Variants in MAGI3 observed in about 807,000 individuals in gnomAD.
The protein encoded by MAGI3 is membrane-associated guanylate kinase, WW and PDZ domain-containing protein 3.
A neutral mutation model predicts 121.8 loss-of-function variants in MAGI3; 43 were observed. The ratio of observed to expected loss-of-function variants is 0.35; its 90% CI spans 0.28 to 0.46. The LOEUF (loss-of-function observed/expected upper bound fraction) is 0.46. Among genes scored for constraint, MAGI3 ranks in the 20% least tolerant of loss-of-function variants. The probability of loss-of-function intolerance (pLI) is 1.00; values close to 1 mark genes in which losing one functional copy is unlikely to be tolerated. For missense variants in MAGI3, 1,547 were observed against 1,797.3 expected, an observed-to-expected ratio of 0.86 and a Z score of 2.52; for synonymous variants, 553 against 639.3, an observed-to-expected ratio of 0.86 and a Z score of 2.04.
At chr1:113,588,044 A>C (rs1170576134) in intron 4 of MAGI3, among the ~76,000 whole-genome samples, 1 of 152,264 alleles carries the variant, frequency 6.6e-6, no homozygotes, top group African/African-American at 2.4e-5. Flanking sequence ...CATGAACTAT[A>C]CCTTCTGGTG....
chr1:113,683,694 A>C lies in MAGI3; in HGVS notation c.4126A>C (p.Ser1376Arg), dbSNP rs377019454. 8.7e-6 allele frequency: 14 copies of C among 1,600,588 alleles called. 1 individual carries two copies. Among genetic ancestry groups the C allele is most frequent in the Middle Eastern group, 1.7e-4 (1 of 6,032 alleles). Residue 1376 changes from serine (S) to arginine (R), a missense_variant, in exon 21 of 21, where the codon AGT becomes CGT. By Grantham distance (110) the Ser-to-Arg change is moderately radical. Transcript: ENST00000307546. ...ATCCAAAATGACTAATAAGACTACA[A>C]GTAAAGAAGTATCTGAAAATGAAAA... ...LPSKMTNKTT[S>R]KEVSENEKGK...
intron 1 of MAGI3, among the ~76,000 whole-genome samples, chr1:113,509,460 A>G (rs1428297712): frequency 1.4e-5 from 2 of 143,896 alleles, no homozygotes; most frequent in Non-Finnish European, 3.0e-5. Context: ...GACATTTGTA[A>G]TGAAATACTA....
At chr1:113,400,431 T>TACTGTAC (rs1392878816) in intron 1 of MAGI3, among the ~76,000 whole-genome samples, 1 of 152,136 alleles carries the variant, frequency 6.6e-6, no homozygotes, top group Non-Finnish European at 1.5e-5. Context: ...TGAATGCACT[T>TACTGTAC]ACTGTACATA....
chr1:113,586,726 A>G (rs958801532), intron 4 of MAGI3, among the ~76,000 whole-genome samples: 9 of 152,232 alleles, frequency 5.9e-5, no homozygotes, highest in Admixed American at 5.2e-4. Context: ...AATGCTAAAC[A>G]GTAGGATTGG....
chr1:113,592,740 C>T (rs543116218), intron 5 of MAGI3, among the ~76,000 whole-genome samples: 13 of 152,194 alleles, frequency 8.5e-5, no homozygotes, highest in Admixed American at 7.2e-4. Flanking sequence ...TGGCCAGGCA[C>T]GGTGGCTCAC....
chr1:113,564,889 G>A (rs1389906335), intron 2 of MAGI3, among the ~76,000 whole-genome samples: 11 of 151,186 alleles, frequency 7.3e-5, no homozygotes, highest in Admixed American at 1.3e-4. Flanking sequence ...TTGCTCTGTT[G>A]CCCAGGCTAG....
chr1:113,647,542 A>C lies in MAGI3; in HGVS notation c.2155+900A>C, dbSNP rs185966271. On this transcript the variant is annotated intron_variant, in intron 12 of 20. Transcript: ENST00000307546. ...AAGGCAGAAATTCATGCATGTTCCTACTAATTCACTTACTAATGATAAATC... is the reference window on the plus strand; with the variant it reads ...AAGGCAGAAATTCATGCATGTTCCTCCTAATTCACTTACTAATGATAAATC... Among the ~76,000 whole-genome samples the C allele has an allele frequency of 2.6e-5, 4 of 152,304 alleles. No homozygotes were observed. The East Asian group carries it at 7.7e-4, about 29-fold the overall frequency.
At chr1:113,450,450 G>GA in intron 1 of MAGI3, 2 of 1,115,814 alleles carry the variant, frequency 1.8e-6, no homozygotes, top group South Asian at 2.5e-5. Context: ...TATAGTAGTA[G>GA]AGGGGGCTAT....
intron 2 of MAGI3, among the ~76,000 whole-genome samples, chr1:113,560,300 T>C (rs1338982471): frequency 4.6e-5 from 7 of 152,016 alleles, no homozygotes. Context: ...CGCTTGAACC[T>C]GGGAGGCAGA....
At chr1:113,673,533 A>C in intron 19 of MAGI3, 68 bp downstream of exon 19, 1 of 1,514,796 alleles carries the variant, frequency 6.6e-7, no homozygotes, top group Non-Finnish European at 9.0e-7. Flanking sequence ...GATATTAATA[A>C]TTGATTTAAA....
At chr1:113,672,343 G>C (rs539665349) in intron 17 of MAGI3, among the ~76,000 whole-genome samples, 2 of 152,294 alleles carry the variant, frequency 1.3e-5, no homozygotes, top group Admixed American at 1.3e-4. Context: ...CTCTGGTGTA[G>C]TTATTTGATT....
chr1:113,467,784 C>G (rs1460113318), intron 1 of MAGI3, among the ~76,000 whole-genome samples: 1 of 152,160 alleles, frequency 6.6e-6, no homozygotes, highest in Non-Finnish European at 1.5e-5. Context: ...GTCCTCCTGT[C>G]CTGGCCTCCC....
chr1:113,590,651 T>C lies in MAGI3; in HGVS notation c.931T>C (p.Phe311Leu), dbSNP rs1205912126. 6.2e-7 allele frequency: 1 copy of C among 1,612,852 alleles called. No homozygotes were observed. Among genetic ancestry groups the C allele is most frequent in the South Asian group, 1.1e-5 (1 of 90,948 alleles). ...CTACACTGACACAGGGATGATCTAC[T>C]TCATTGAGTAAGCAAATGTCTCTAT... ...MAYTDTGMIY[F>L]IDHNTKTTTW... The change falls in exon 5 of 21, where the codon TTC becomes CTC. Residue 311 changes from phenylalanine to leucine, a missense_variant. Transcript: ENST00000307546.
At chr1:113,443,964 C>T (rs1188403206) in intron 1 of MAGI3, among the ~76,000 whole-genome samples, 1 of 152,186 alleles carries the variant, frequency 6.6e-6, no homozygotes, top group East Asian at 1.9e-4. Flanking sequence ...TGGGAAGCAT[C>T]AGAAGGTCTT....
At chr1:113,435,272 T>C (rs2101434905) in intron 1 of MAGI3, among the ~76,000 whole-genome samples, 1 of 152,280 alleles carries the variant, frequency 6.6e-6, no homozygotes, top group East Asian at 1.9e-4. Flanking sequence ...TGGTTTTCTA[T>C]TTCATAGAAT....
intron 16 of MAGI3, among the ~76,000 whole-genome samples, chr1:113,669,766 G>A (rs1647416954): frequency 6.6e-6 from 1 of 152,188 alleles, no homozygotes; most frequent in African/African-American, 2.4e-5. Context: ...CTGACCTCAG[G>A]TGATCCGCCT....
intron 1 of MAGI3, among the ~76,000 whole-genome samples, chr1:113,412,431 C>T (rs1305389986): frequency 6.6e-6 from 1 of 152,120 alleles, no homozygotes; most frequent in Non-Finnish European, 1.5e-5. Flanking sequence ...AGTTCTAGAT[C>T]CTTGAGGAAT....
At chr1:113,664,801 C>T (rs929225217) in intron 16 of MAGI3, among the ~76,000 whole-genome samples, 16 of 152,178 alleles carry the variant, frequency 1.1e-4, no homozygotes, top group Non-Finnish European at 2.2e-4. Flanking sequence ...CCATGAATTT[C>T]AGCATCTCTT....
At chr1:113,672,814 T>G in intron 18 of MAGI3, 73 bp downstream of exon 18, 1 of 1,513,654 alleles carries the variant, frequency 6.6e-7, no homozygotes, top group South Asian at 1.3e-5. Context: ...GAATTTTTAT[T>G]GCAAATCAGT....
Sources: allele counts gnomAD v4.1 joint callset (sites outside exome capture counted in the v4.1 genomes callset), GRCh38; gene constraint gnomAD v4.1.1; transcripts MANE v1.5; gene names NCBI Gene and HGNC (gene_info 2026-07-23, HGNC 2026-07-21).